The following RAB11FIP3 variants were observed in gnomAD, a reference collection of about 807,000 sequenced individuals.
The protein encoded by RAB11FIP3 is rab11 family-interacting protein 3.
Under a neutral mutation model 77.8 loss-of-function variants are expected in RAB11FIP3, and 17 were observed. That is an observed-to-expected ratio of 0.22 (90% CI 0.15 to 0.33). The LOEUF (loss-of-function observed/expected upper bound fraction) is 0.33, where lower values mean the gene tolerates loss of function less well. Among genes scored for constraint, RAB11FIP3 ranks in the 10% least tolerant of loss-of-function variants. RAB11FIP3 has a pLI of 1.00. For synonymous variants in RAB11FIP3, 437 were observed against 448.2 expected (o/e 0.98, Z 0.31); for missense variants, 1,005 against 1,011.2 (o/e 0.99, Z 0.08).
intron 6 of RAB11FIP3, among the ~76,000 whole-genome samples, chr16:501,795 GA>G (rs2031543413): frequency 6.6e-6 from 1 of 150,578 alleles, no homozygotes; most frequent in African/African-American, 2.5e-5. Context: ...CACAGGCAAG[GA>G]AGTTCAGAGA....
chr16:488,698 C>T (rs946300882), intron 4 of RAB11FIP3, among the ~76,000 whole-genome samples, 153 bp from the exon 5 acceptor site: 2 of 148,532 alleles, frequency 1.3e-5, no homozygotes, highest in East Asian at 4.0e-4. Context: ...TGTGAGCCAC[C>T]GCATCCAGCC....
chr16:452,892 C>T (rs1269776849), intron 1 of RAB11FIP3, among the ~76,000 whole-genome samples: 2 of 66,836 alleles, frequency 3.0e-5, no homozygotes, highest in Non-Finnish European at 5.9e-5. Flanking sequence ...GTAGTTGGGA[C>T]TACAGGCGCC....
Position 426,297 on chromosome 16 carries a change from G to T in RAB11FIP3, c.291G>T (p.Arg97=). 6 of 1,265,904 alleles carry T rather than the reference G, an allele frequency of 4.7e-6. No homozygotes were observed. The highest frequency in any genetic ancestry group is 5.9e-6 in the Non-Finnish European group (6 of 1,009,054). The allele number at this position is 1,265,904 out of a possible 1,614,324, so 78.4% of individuals were successfully genotyped here. Residue 97 remains arginine, a synonymous_variant, in exon 1 of 14, where the codon CGG becomes CGT. Transcript: ENST00000262305. The surrounding 1 kb of genome is among the most constrained non-coding windows in gnomAD (Gnocchi z 5.0). ...PSAPPPRSGP[R]GQLASPDAPG... is the part of the protein sequence containing the mutation. ...CCCCGCCGCCGCGCTCCGGCCCGCG[G>T]GGGCAGCTTGCGAGCCCCGACGCCC...
chr16:469,161 G>GTCCCGGT (rs2055767325), intron 2 of RAB11FIP3, among the ~76,000 whole-genome samples: 1 of 151,906 alleles, frequency 6.6e-6, no homozygotes, highest in South Asian at 2.1e-4. Flanking sequence ...TGCCTCCCGG[G>GTCCCGGT]TCCCGGTTCA....
intron 1 of RAB11FIP3, among the ~76,000 whole-genome samples, chr16:429,955 G>T (rs969714383): frequency 1.3e-5 from 2 of 152,132 alleles, no homozygotes; most frequent in African/African-American, 4.8e-5. Flanking sequence ...TTGTGTCCCT[G>T]TTTCTTTAGC....
chr16:450,003 C>T (rs1423679830), intron 1 of RAB11FIP3, among the ~76,000 whole-genome samples: 1 of 152,046 alleles, frequency 6.6e-6, no homozygotes, highest in Non-Finnish European at 1.5e-5. Context: ...GTGACTGTGC[C>T]ACCACATGCA....
chr16:492,738 T>C (rs149899632), intron 5 of RAB11FIP3, among the ~76,000 whole-genome samples: 65 of 152,268 alleles, frequency 4.3e-4, no homozygotes, highest in African/African-American at 1.5e-3. Context: ...TCTCCGTACA[T>C]GAAAGTAAGC....
At chr16:492,388 A>AGACCCGAGGCCGTCCAGG (rs1567391932) in intron 5 of RAB11FIP3, among the ~76,000 whole-genome samples, 5 of 39,512 alleles carry the variant, frequency 1.3e-4, no homozygotes, top group Middle Eastern at 0.011. Context: ...GGCCGCCCAG[A>AGACCCGAGGCCGTCCAGG]GCCCTCCCCG....
In RAB11FIP3 at chr16:462,896, G is replaced by C. The variant is rs571191319; in HGVS notation, c.808+1399G>C. On this transcript the variant is annotated intron_variant, in intron 2 of 13. Coordinates refer to ENST00000262305, the MANE Select transcript of RAB11FIP3 (RefSeq NM_014700.4). ...AGCACAATGTCTTCCCCAGCACAATGTCTTCCCCAGCACCATCCCTTTCCC... is the reference window on the plus strand; with the variant it reads ...AGCACAATGTCTTCCCCAGCACAATCTCTTCCCCAGCACCATCCCTTTCCC... 5.7e-3 allele frequency among the ~76,000 whole-genome samples: 814 copies of C among 143,918 alleles called. 8 individuals are homozygous for C. The highest frequency in any genetic ancestry group is 0.02 in the African/African-American group (774 of 38,222). 94.4% of individuals were successfully genotyped at this position (143,918 alleles called of 152,430 possible).
Position 472,007 on chromosome 16 carries a change from C to T in RAB11FIP3, c.903+618C>T, listed in dbSNP as rs947528978. ...AAGTTGAACTTGAGCCCTTGGGGGC[C>T]GCCGGGAAGGTGGAGGTGGCAGCCG... On this transcript the variant is annotated intron_variant, in intron 3 of 13. Transcript: ENST00000262305. The surrounding 1 kb of genome is among the most constrained non-coding windows in gnomAD (Gnocchi z 4.1). Among the ~76,000 whole-genome samples the T allele has an allele frequency of 4.6e-5, 7 of 152,144 alleles. No homozygotes were observed. The highest frequency in any genetic ancestry group is 1.2e-4 in the African/African-American group (5 of 41,414).
Position 474,004 on chromosome 16 carries a change from T to G in RAB11FIP3, c.903+2615T>G, listed in dbSNP as rs181556730. On this transcript the variant is annotated intron_variant, in intron 3 of 13. Coordinates refer to ENST00000262305, the MANE Select transcript of RAB11FIP3 (RefSeq NM_014700.4). ...TGAATACGCAGTTACCTCTCCTCCA[T>G]GTCTTGCTTTGCTTTTTAAGGGTGG... Among the ~76,000 whole-genome samples the G allele has an allele frequency of 8.5e-5, 13 of 152,304 alleles. No individual in the cohort carries two copies. In the East Asian group the frequency reaches 2.5e-3, roughly 29 times the overall value.
intron 9 of RAB11FIP3, among the ~76,000 whole-genome samples, chr16:517,145 C>T (rs1171709732): frequency 3.3e-5 from 5 of 152,310 alleles, no homozygotes; most frequent in Non-Finnish European, 4.4e-5. Context: ...AGTCTAATTG[C>T]GAGAAAACAC....
At chr16:437,192 C>T (rs1207163762) in intron 1 of RAB11FIP3, among the ~76,000 whole-genome samples, 2 of 151,858 alleles carry the variant, frequency 1.3e-5, no homozygotes, top group African/African-American at 4.8e-5. Flanking sequence ...GCAGGAGAAT[C>T]GTTTGAACCT....
rs986479249 is a variant in RAB11FIP3, at chr16:506,696, G to A, written c.1499+1069G>A. 3.9e-5 allele frequency among the ~76,000 whole-genome samples: 6 copies of A among 152,226 alleles called. No homozygotes were observed. Among genetic ancestry groups the A allele is most frequent in the East Asian group, 3.9e-4 (2 of 5,194 alleles). On this transcript the variant is annotated intron_variant, in intron 8 of 13. Transcript: ENST00000262305. This position sits in a 1 kb window ranked among gnomAD's most constrained non-coding sequence, Gnocchi z 4.5. ...CGCTGAGAATTGGAATGCCTCATGG[G>A]ATTGTGGGCATAACTTGCACATCAT...
intron 4 of RAB11FIP3, among the ~76,000 whole-genome samples, chr16:484,586 C>G (rs2056114260): frequency 1.3e-5 from 2 of 152,228 alleles, no homozygotes; most frequent in Admixed American, 6.5e-5. Context: ...CCCCTGGCCT[C>G]AGGCGATCCG....
intron 1 of RAB11FIP3, among the ~76,000 whole-genome samples, chr16:429,012 A>G (rs2054995541): frequency 6.6e-6 from 1 of 152,072 alleles, no homozygotes; most frequent in Non-Finnish European, 1.5e-5. Flanking sequence ...GTTCTTCTAG[A>G]CGGCTTAGGA....
intron 2 of RAB11FIP3, among the ~76,000 whole-genome samples, chr16:466,099 G>T (rs1004484929): frequency 6.6e-6 from 1 of 152,196 alleles, no homozygotes; most frequent in African/African-American, 2.4e-5. Flanking sequence ...GGCTGTGCTG[G>T]TCTCGGCTTG....
At chr16:476,360 G>T (rs1422114423) in intron 3 of RAB11FIP3, among the ~76,000 whole-genome samples, 1 of 152,126 alleles carries the variant, frequency 6.6e-6, no homozygotes, top group Non-Finnish European at 1.5e-5. Context: ...GCTCTAAGGC[G>T]GCACTGGCTT....
chr16:467,980 G>C (rs1487853951), intron 2 of RAB11FIP3, among the ~76,000 whole-genome samples: 5 of 121,330 alleles, frequency 4.1e-5, no homozygotes, highest in East Asian at 2.7e-4. Context: ...GGGAGGAGGT[G>C]CTGGGGCCTC....
Sources: allele counts gnomAD v4.1 joint callset (sites outside exome capture counted in the v4.1 genomes callset), GRCh38; gene constraint gnomAD v4.1.1; non-coding constraint Gnocchi (gnomAD v3.1); transcripts MANE v1.5; gene names NCBI Gene and HGNC (gene_info 2026-07-23, HGNC 2026-07-21).